Variants in FHIT observed in about 807,000 individuals in gnomAD.
FHIT encodes the protein fragile histidine triad diadenosine triphosphatase, also known as bis(5'-adenosyl)-triphosphatase.
In FHIT, 19 loss-of-function variants were observed where a neutral mutation model predicts 17.9. The ratio of observed to expected loss-of-function variants is 1.06; its 90% CI spans 0.74 to 1.56. The LOEUF is 1.56. Ranked by LOEUF, FHIT falls within the 40% of genes most tolerant of loss-of-function variation. FHIT has a pLI of 0.00. For missense variants in FHIT, 248 were observed against 189.2 expected, an observed-to-expected ratio of 1.31 and a Z score of -1.82; for synonymous variants, 81 against 69.7, an observed-to-expected ratio of 1.16 and a Z score of -0.81.
chr3:60,553,435 C>A lies in FHIT; in HGVS notation c.-17-16456G>T, dbSNP rs939973928. 4.6e-5 allele frequency: 32 copies of A among 698,596 alleles called. No individual in the cohort carries two copies. The African/African-American group carries it at 6.0e-4, about 13-fold the overall frequency. The allele number at this position is 698,596 out of a possible 1,614,324, so 43.3% of individuals were successfully genotyped here. Reference sequence around the variant, plus strand: ...CCTTTTATGCAAAAAGAGGTCACTGCTTTAAAATATATATATATATATATT... The same window carrying A: ...CCTTTTATGCAAAAAGAGGTCACTGATTTAAAATATATATATATATATATT... On this transcript the variant is annotated intron_variant, in intron 4 of 9. Coordinates refer to ENST00000492590, the MANE Select transcript of FHIT (RefSeq NM_002012.4).
chr3:60,860,251 G>GATACATCATATGTATATATGGT (rs1703619211), intron 3 of FHIT, among the ~76,000 whole-genome samples: 1 of 135,098 alleles, frequency 7.4e-6, no homozygotes, highest in Admixed American at 7.6e-5. Context: ...GTATACATGA[G>GATACATCATATGTATATATGGT]ATACATCATA....
intron 5 of FHIT, among the ~76,000 whole-genome samples, chr3:60,498,573 G>A (rs2107517939): frequency 6.6e-6 from 1 of 152,216 alleles, no homozygotes; most frequent in South Asian, 2.1e-4. Flanking sequence ...TTATAATCAT[G>A]AATAATGATG....
chr3:61,129,248 G>A lies in FHIT; in HGVS notation c.-164+71369C>T, dbSNP rs184428675. Among the ~76,000 whole-genome samples, 258 of 152,336 alleles carry A rather than the reference G, an allele frequency of 1.7e-3. 2 individuals are homozygous for A. Among genetic ancestry groups the A allele is most frequent in the Non-Finnish European group, 3.1e-3 (213 of 68,042 alleles). ...TAAGACACAAACACAGAGACATTCA[G>A]TCCATATGACATAAGGTTGAAATCA... On this transcript the variant is annotated intron_variant, in intron 2 of 9. Transcript: ENST00000492590.
chr3:60,354,297 T>G (rs988629483), intron 5 of FHIT, among the ~76,000 whole-genome samples: 1 of 152,204 alleles, frequency 6.6e-6, no homozygotes, highest in African/African-American at 2.4e-5. Flanking sequence ...TGACTTACTT[T>G]ATTATTCCTA....
chr3:61,161,349 A>C (rs761341447), intron 2 of FHIT, among the ~76,000 whole-genome samples: 202 of 151,896 alleles, frequency 1.3e-3, no homozygotes, highest in Non-Finnish European at 2.5e-3. Flanking sequence ...CTACAGGTGC[A>C]TGCCACCACG....
chr3:60,255,843 A>C (rs1364962305), intron 5 of FHIT, among the ~76,000 whole-genome samples: 1 of 152,038 alleles, frequency 6.6e-6, no homozygotes, highest in African/African-American at 2.4e-5. Flanking sequence ...CAACAGAGCG[A>C]GACTCCATCT....
chr3:60,760,067 A>C (rs144521498), intron 4 of FHIT, among the ~76,000 whole-genome samples: 1 of 131,238 alleles, frequency 7.6e-6, no homozygotes. Context: ...CTTTCTTTCC[A>C]TTTCTCTCTT....
At chr3:60,002,032 A>G (rs1397965012) in intron 7 of FHIT, among the ~76,000 whole-genome samples, 1 of 152,136 alleles carries the variant, frequency 6.6e-6, no homozygotes, top group South Asian at 2.1e-4. Flanking sequence ...GGATAAATGA[A>G]TTCCACCACA....
At chr3:60,925,500 A>G (rs1426395816) in intron 3 of FHIT, among the ~76,000 whole-genome samples, 3 of 152,188 alleles carry the variant, frequency 2.0e-5, no homozygotes, top group Non-Finnish European at 4.4e-5. Flanking sequence ...CTTAACAGAC[A>G]AGCAAATGCT....
intron 2 of FHIT, among the ~76,000 whole-genome samples, chr3:61,130,585 T>C (rs7432088): frequency 0.72 from 109,474 of 152,030 alleles, 40,149 homozygotes; most frequent in African/African-American, 0.8. Context: ...CTCAAAAAAA[T>C]AAAAATTTTG....
At chr3:60,717,491 ACC>A (rs1450698229) in intron 4 of FHIT, among the ~76,000 whole-genome samples, 3 of 152,046 alleles carry the variant, frequency 2.0e-5, no homozygotes, top group African/African-American at 7.2e-5. Context: ...TATTCCTGAA[ACC>A]CATCATGGGC....
intron 7 of FHIT, among the ~76,000 whole-genome samples, chr3:59,932,178 C>A (rs1238641916): frequency 6.6e-6 from 1 of 152,198 alleles, no homozygotes; most frequent in African/African-American, 2.4e-5. Flanking sequence ...CCATCTTCCA[C>A]ACTGCAAGCC....
At chr3:60,519,672 T>A (rs1050002835) in intron 5 of FHIT, among the ~76,000 whole-genome samples, 2 of 152,218 alleles carry the variant, frequency 1.3e-5, no homozygotes, top group Non-Finnish European at 2.9e-5. Flanking sequence ...CTTGACATCA[T>A]CTATTTACAA....
At chr3:61,171,018 G>C (rs1317993855) in intron 2 of FHIT, among the ~76,000 whole-genome samples, 1 of 152,100 alleles carries the variant, frequency 6.6e-6, no homozygotes, top group Non-Finnish European at 1.5e-5. Flanking sequence ...GGTCTTTGAG[G>C]AATCACTACA....
At chr3:60,329,182 C>T (rs904479967) in intron 5 of FHIT, among the ~76,000 whole-genome samples, 19 of 152,276 alleles carry the variant, frequency 1.2e-4, no homozygotes, top group African/African-American at 4.6e-4. Context: ...TGTTTCCCCT[C>T]ACCTATTTAT....
intron 2 of FHIT, among the ~76,000 whole-genome samples, chr3:61,083,121 CTAATA>C (rs1336001514): frequency 5.3e-5 from 8 of 152,280 alleles, no homozygotes; most frequent in Non-Finnish European, 8.8e-5. Context: ...TTGATGTACT[CTAATA>C]TATTTATCTT....
At chr3:60,788,363 T>C (rs1014650351) in intron 4 of FHIT, among the ~76,000 whole-genome samples, 4 of 152,090 alleles carry the variant, frequency 2.6e-5, no homozygotes, top group South Asian at 2.1e-4. Context: ...GGGGCAATGG[T>C]TCATTATTTG....
chr3:60,866,082 C>G (rs1272019151), intron 3 of FHIT, among the ~76,000 whole-genome samples: 1 of 152,088 alleles, frequency 6.6e-6, no homozygotes, highest in Non-Finnish European at 1.5e-5. Context: ...CCAAAGGCTC[C>G]AAACTCCTGC....
At chr3:60,267,410 G>C (rs535280595) in intron 5 of FHIT, among the ~76,000 whole-genome samples, 1 of 151,978 alleles carries the variant, frequency 6.6e-6, no homozygotes, top group Non-Finnish European at 1.5e-5. Flanking sequence ...GAAAAATTAT[G>C]CTATTATAAG....
Sources: allele counts gnomAD v4.1 joint callset (sites outside exome capture counted in the v4.1 genomes callset), GRCh38; gene constraint gnomAD v4.1.1; transcripts MANE v1.5; gene names NCBI Gene and HGNC (gene_info 2026-07-23, HGNC 2026-07-21).